The following PAN3 variants were observed in gnomAD, a reference collection of about 807,000 sequenced individuals.
PAN3 encodes poly(A) specific ribonuclease subunit PAN3.
Under a neutral mutation model 96.2 loss-of-function variants are expected in PAN3, and 19 were observed. That is an observed-to-expected ratio of 0.20 (90% CI 0.14 to 0.29). The LOEUF is 0.29. Among genes scored for constraint, PAN3 ranks in the 10% least tolerant of loss-of-function variants. The pLI is 1.00. For synonymous variants in PAN3, 433 were observed against 406.6 expected (o/e 1.06, Z -0.78); for missense variants, 882 against 1,108.1 (o/e 0.80, Z 2.90).
At chr13:28,223,175 T>G (rs1881584460) in intron 6 of PAN3, among the ~76,000 whole-genome samples, 1 of 152,230 alleles carries the variant, frequency 6.6e-6, no homozygotes, top group Non-Finnish European at 1.5e-5. Context: ...TTTTGGTATA[T>G]GTCTCAATGT....
intron 1 of PAN3, among the ~76,000 whole-genome samples, chr13:28,167,721 G>A (rs548863309): frequency 1.6e-4 from 24 of 150,530 alleles, no homozygotes; most frequent in Non-Finnish European, 2.7e-4. Context: ...GCTCATTCCT[G>A]TAGTCCCACC....
At chr13:28,238,323 C>T (rs1229461454) in intron 6 of PAN3, among the ~76,000 whole-genome samples, 2 of 152,178 alleles carry the variant, frequency 1.3e-5, no homozygotes, top group East Asian at 3.8e-4. Flanking sequence ...GTGTTTAGCT[C>T]ATTGGTGCTT....
chr13:28,254,466 T>A (rs1029931833), intron 6 of PAN3, among the ~76,000 whole-genome samples: 2 of 152,188 alleles, frequency 1.3e-5, no homozygotes, highest in African/African-American at 2.4e-5. Flanking sequence ...CATCTTTGGT[T>A]ACTTGGCCAG....
At chr13:28,171,778 G>A (rs1874338768) in intron 1 of PAN3, among the ~76,000 whole-genome samples, 1 of 152,130 alleles carries the variant, frequency 6.6e-6, no homozygotes, top group South Asian at 2.1e-4. Flanking sequence ...CGCAGGCAAG[G>A]GAAATTATTA....
chr13:28,281,705 C>T (rs1032095894), intron 17 of PAN3, among the ~76,000 whole-genome samples: 23 of 151,444 alleles, frequency 1.5e-4, no homozygotes, highest in African/African-American at 5.6e-4. Context: ...TTACCCTGGT[C>T]AGTTTAGAGA....
chr13:28,143,108 G>GTTTT (rs1158617246), intron 1 of PAN3, among the ~76,000 whole-genome samples: 1 of 151,386 alleles, frequency 6.6e-6, no homozygotes, highest in African/African-American at 2.4e-5. Context: ...TTTTGTTTTT[G>GTTTT]TTTTTGTTTT....
At chr13:28,257,687 T>TATAAATATATATTATATATTATATATA (rs1885260542) in intron 7 of PAN3, among the ~76,000 whole-genome samples, 1 of 134,596 alleles carries the variant, frequency 7.4e-6, no homozygotes, top group Admixed American at 8.0e-5. Flanking sequence ...TATTAAATTA[T>TATAAATATATATTATATATTATATATA]ATAAATATAT....
At chr13:28,162,512 C>T (rs1420049943) in intron 1 of PAN3, among the ~76,000 whole-genome samples, 1 of 151,976 alleles carries the variant, frequency 6.6e-6, no homozygotes, top group Non-Finnish European at 1.5e-5. Flanking sequence ...TGGCGAAACC[C>T]CACCTCTACT....
chr13:28,178,854 C>T (rs994229414), intron 4 of PAN3, among the ~76,000 whole-genome samples: 12 of 152,010 alleles, frequency 7.9e-5, no homozygotes, highest in Non-Finnish European at 1.5e-4. Flanking sequence ...GTGGTGTTGG[C>T]TTCACGGTGT....
intron 3 of PAN3, 137 bp downstream of exon 3, chr13:28,176,696 C>G (rs1364494848): frequency 2.4e-6 from 2 of 837,250 alleles, no homozygotes; most frequent in African/African-American, 1.7e-5. Context: ...TCTTCCCACT[C>G]AGATCTAACT....
chr13:28,231,216 A>G (rs115114138), intron 6 of PAN3, among the ~76,000 whole-genome samples: 43 of 152,318 alleles, frequency 2.8e-4, no homozygotes, highest in African/African-American at 1.0e-3. Context: ...ACTTTATACA[A>G]TCAATAGTCT....
At chr13:28,190,240 T>G (rs1877071518) in intron 4 of PAN3, among the ~76,000 whole-genome samples, 1 of 152,318 alleles carries the variant, frequency 6.6e-6, no homozygotes, top group Admixed American at 6.5e-5. Flanking sequence ...CCACCTCACC[T>G]GGCCAATTTG....
chr13:28,168,959 A>G (rs1195068281), intron 1 of PAN3, among the ~76,000 whole-genome samples: 3 of 151,376 alleles, frequency 2.0e-5, no homozygotes, highest in Non-Finnish European at 4.4e-5. Context: ...TTGAACTTGC[A>G]GTGAGCCGAG....
intron 17 of PAN3, among the ~76,000 whole-genome samples, chr13:28,285,629 G>A (rs1566261583): frequency 6.6e-6 from 1 of 151,982 alleles, no homozygotes; most frequent in African/African-American, 2.4e-5. Context: ...AATTCTCATC[G>A]CTCAGATGTT....
At chr13:28,142,465 C>A (rs1008941121) in intron 1 of PAN3, among the ~76,000 whole-genome samples, 2 of 150,392 alleles carry the variant, frequency 1.3e-5, no homozygotes, top group African/African-American at 5.0e-5. Context: ...CCACATCTGG[C>A]CTTCATTGGT....
chr13:28,193,499 T>C (rs957128298), intron 4 of PAN3, among the ~76,000 whole-genome samples: 4 of 152,200 alleles, frequency 2.6e-5, no homozygotes, highest in African/African-American at 9.6e-5. Flanking sequence ...CCCAGCACTT[T>C]GGGAGGCCAA....
At chr13:28,224,268 C>T (rs998288262) in intron 6 of PAN3, among the ~76,000 whole-genome samples, 8 of 152,162 alleles carry the variant, frequency 5.3e-5, no homozygotes, top group South Asian at 2.1e-4. Context: ...ACTAAGTCTT[C>T]GTGTACTTTA....
intron 1 of PAN3, among the ~76,000 whole-genome samples, chr13:28,157,462 G>A (rs1181343468): frequency 6.6e-6 from 1 of 152,110 alleles, no homozygotes. Context: ...AGAAAACCTC[G>A]TCGTCTCTGC....
chr13:28,205,143 G>T (rs931735581), intron 5 of PAN3, among the ~76,000 whole-genome samples: 1 of 151,894 alleles, frequency 6.6e-6, no homozygotes, highest in Non-Finnish European at 1.5e-5. Flanking sequence ...ATTTACTTCC[G>T]TCTTTACTCA....
Sources: gnomAD v4.1 joint callset for allele counts (sites outside exome capture counted in the v4.1 genomes callset) on GRCh38, gnomAD v4.1.1 for gene constraint, MANE v1.5 for transcripts, NCBI Gene and HGNC (gene_info 2026-07-23, HGNC 2026-07-21) for gene names.